Variants in TACR1 observed in about 807,000 individuals in gnomAD.
TACR1 encodes substance-P receptor.
In TACR1, 25 loss-of-function variants were observed where a neutral mutation model predicts 35.8. That is an observed-to-expected ratio of 0.70 (90% CI 0.51 to 0.98). TACR1 has a LOEUF of 0.98. Among genes scored for constraint, TACR1 ranks in the 50% least tolerant of loss-of-function variants. TACR1 has a pLI of 0.00. For missense variants in TACR1, 478 were observed against 522.9 expected (o/e 0.91, Z 0.84); for synonymous variants, 195 against 206.7 (o/e 0.94, Z 0.48).
chr2:75,100,770 C>T (rs971966206), intron 2 of TACR1, among the ~76,000 whole-genome samples: 1 of 152,184 alleles, frequency 6.6e-6, no homozygotes, highest in Non-Finnish European at 1.5e-5. Context: ...AGAGCCATAG[C>T]TCTCTCATTG....
chr2:75,086,004 T>G (rs1215635416), intron 2 of TACR1, among the ~76,000 whole-genome samples: 1 of 152,166 alleles, frequency 6.6e-6, no homozygotes, highest in African/African-American at 2.4e-5. Context: ...GTTTCTGGAG[T>G]ATTAGTTTCA....
intron 2 of TACR1, among the ~76,000 whole-genome samples, chr2:75,082,560 A>G (rs1486810181): frequency 1.3e-5 from 2 of 152,152 alleles, no homozygotes; most frequent in Admixed American, 1.3e-4. Context: ...AAGTGTTCCT[A>G]TTTCTCCACA....
At chr2:75,075,011 C>T (rs985933386) in intron 2 of TACR1, among the ~76,000 whole-genome samples, 7 of 152,176 alleles carry the variant, frequency 4.6e-5, no homozygotes, top group Non-Finnish European at 1.0e-4. Context: ...CATTTTCCCT[C>T]ACTGGCATGT....
At chr2:75,169,515 A>G (rs1173781620) in intron 1 of TACR1, among the ~76,000 whole-genome samples, 1 of 152,208 alleles carries the variant, frequency 6.6e-6, no homozygotes, top group East Asian at 1.9e-4. Context: ...GCCATCTATC[A>G]GAAGACTGAG....
chr2:75,103,174 G>A (rs1173029301), intron 2 of TACR1, among the ~76,000 whole-genome samples: 1 of 152,122 alleles, frequency 6.6e-6, no homozygotes. Flanking sequence ...TATACCTAGA[G>A]CCCAGGTGTT....
At position 75,085,684 on chromosome 2, in the gene TACR1, G is replaced by A. The variant is rs538709530; in HGVS notation, c.585-31929C>T. ...GTGAATGACTGAGCAATGTCTGGGAGATAATGAGGGTAATAACGGTGACCT... is the reference window on the plus strand; with the variant it reads ...GTGAATGACTGAGCAATGTCTGGGAAATAATGAGGGTAATAACGGTGACCT... On this transcript the variant is annotated intron_variant, in intron 2 of 4. Coordinates refer to ENST00000305249, the MANE Select transcript of TACR1 (RefSeq NM_001058.4). Among the ~76,000 whole-genome samples, 54 of 152,280 alleles carry A rather than the reference G, an allele frequency of 3.5e-4. 2 individuals are homozygous for A. The highest frequency in any genetic ancestry group is 2.9e-4 in the Non-Finnish European group (20 of 68,018).
chr2:75,168,789 A>G (rs934589494), intron 1 of TACR1, among the ~76,000 whole-genome samples: 1 of 152,210 alleles, frequency 6.6e-6, no homozygotes, highest in Non-Finnish European at 1.5e-5. Flanking sequence ...AGTTACATGT[A>G]AAAAGCGGAT....
intron 1 of TACR1, chr2:75,189,563 A>C (rs1675793987): frequency 6.6e-6 from 1 of 152,228 alleles, no homozygotes; most frequent in Admixed American, 6.5e-5. Flanking sequence ...TTGCAATTTT[A>C]AGTGTAACAC....
chr2:75,048,949 G>A lies in TACR1; in HGVS notation c.*483C>T, dbSNP rs766494703. 64 of 156,190 alleles carry A rather than the reference G, an allele frequency of 4.1e-4. No homozygotes were observed. Among genetic ancestry groups the A allele is most frequent in the Non-Finnish European group, 8.1e-4 (57 of 70,706 alleles). 9.7% of individuals were successfully genotyped at this position (156,190 alleles called of 1,614,324 possible). ...ACAGGGCTAAATTTTTCATTTAGATGTTATGTGGTGCCTTCTTTTGTTCAC... is the reference window on the plus strand; with the variant it reads ...ACAGGGCTAAATTTTTCATTTAGATATTATGTGGTGCCTTCTTTTGTTCAC... On this transcript the variant is annotated 3_prime_UTR_variant, in exon 5 of 5. Transcript: ENST00000305249.
At chr2:75,146,418 C>T (rs900667816) in intron 1 of TACR1, among the ~76,000 whole-genome samples, 4 of 152,302 alleles carry the variant, frequency 2.6e-5, no homozygotes, top group Middle Eastern at 3.4e-3. Flanking sequence ...TCACCATGCC[C>T]GGCCAGCAGC....
chr2:75,192,797 A>G (rs967828298), intron 1 of TACR1, among the ~76,000 whole-genome samples: 5 of 152,224 alleles, frequency 3.3e-5, no homozygotes, highest in African/African-American at 7.2e-5. Context: ...CCTCATTGGC[A>G]TGATGAAGAT....
intron 1 of TACR1, among the ~76,000 whole-genome samples, chr2:75,162,365 G>A (rs1302862081): frequency 6.6e-6 from 1 of 152,168 alleles, no homozygotes; most frequent in Non-Finnish European, 1.5e-5. Flanking sequence ...ATGTGTTAGA[G>A]GCACACAGTG....
chr2:75,069,670 T>C (rs140767694), intron 2 of TACR1, among the ~76,000 whole-genome samples: 48 of 152,366 alleles, frequency 3.2e-4, no homozygotes, highest in Middle Eastern at 3.4e-3. Flanking sequence ...TTCCTTGTTT[T>C]TGATAACATT....
In TACR1 at chr2:75,049,154, G is replaced by A; in HGVS notation, c.*278C>T. ...GCCAAAGTCACTTCCAGAATGGAAT[G>A]AATGGGCTTTTGGGAAAAGCTGGTC... is the stretch of plus-strand genomic sequence containing the variant. On this transcript the variant is annotated 3_prime_UTR_variant, in exon 5 of 5. Transcript: ENST00000305249. 2.3e-6 allele frequency: 1 copy of A among 429,468 alleles called. No individual in the cohort carries two copies. Among genetic ancestry groups the A allele is most frequent in the Non-Finnish European group, 4.2e-6 (1 of 240,398 alleles). 26.6% of individuals were successfully genotyped at this position (429,468 alleles called of 1,614,324 possible). A position where few individuals can be genotyped will look rare whatever the true frequency, so the allele number is the denominator to read the frequency against.
chr2:75,176,795 C>A (rs988587595), intron 1 of TACR1, among the ~76,000 whole-genome samples: 3 of 152,160 alleles, frequency 2.0e-5, no homozygotes, highest in Non-Finnish European at 2.9e-5. Context: ...CCCCCAGGAC[C>A]AATCTCATCA....
chr2:75,170,170 G>T (rs80168149), intron 1 of TACR1, among the ~76,000 whole-genome samples: 12,999 of 152,206 alleles, frequency 0.085, 629 homozygotes, highest in Middle Eastern at 0.21. Flanking sequence ...CACGTGTCAT[G>T]TTGGGAACTG....
intron 2 of TACR1, among the ~76,000 whole-genome samples, chr2:75,066,202 G>C (rs1672759326): frequency 6.6e-6 from 1 of 152,176 alleles, no homozygotes. Context: ...TTACCTCTGG[G>C]ACTTTGGGTA....
intron 2 of TACR1, among the ~76,000 whole-genome samples, chr2:75,115,906 C>CAAAAAAAAAA (rs1158476632): frequency 1.8e-5 from 1 of 54,464 alleles, no homozygotes; most frequent in African/African-American, 8.6e-5. Flanking sequence ...GACTCCGTCT[C>CAAAAAAAAAA]AAAAAAAAAA....
At chr2:75,164,744 T>C (rs1675100042) in intron 1 of TACR1, among the ~76,000 whole-genome samples, 1 of 152,208 alleles carries the variant, frequency 6.6e-6, no homozygotes, top group Non-Finnish European at 1.5e-5. Context: ...CTCCGAGTGC[T>C]CCTGGAAGGC....
Sources: gnomAD v4.1 joint callset for allele counts (sites outside exome capture counted in the v4.1 genomes callset) on GRCh38, gnomAD v4.1.1 for gene constraint, MANE v1.5 for transcripts, NCBI Gene and HGNC (gene_info 2026-07-23, HGNC 2026-07-21) for gene names.